Variants in ETV6 observed in about 807,000 individuals in gnomAD.
ETV6 encodes transcription factor ETV6.
ETV6 carries 16 observed loss-of-function variants against 51.1 expected under a neutral mutation model. The ratio of observed to expected loss-of-function variants is 0.31; its 90% confidence interval spans 0.21 to 0.48. The LOEUF is 0.48. Among genes scored for constraint, ETV6 ranks in the 20% least tolerant of loss-of-function variants. The pLI is 0.99. For synonymous variants in ETV6, 240 were observed against 224.1 expected (o/e 1.07, Z -0.64); for missense variants, 458 against 594.8 (o/e 0.77, Z 2.39).
intron 2 of ETV6, among the ~76,000 whole-genome samples, chr12:11,828,573 T>C (rs1272409732): frequency 2.0e-5 from 3 of 152,196 alleles, no homozygotes; most frequent in South Asian, 2.1e-4. Context: ...AAAAAAATAC[T>C]AAACGGATTC....
intron 2 of ETV6, among the ~76,000 whole-genome samples, chr12:11,825,172 A>G (rs141954642): frequency 6.6e-6 from 1 of 152,358 alleles, no homozygotes; most frequent in East Asian, 1.9e-4. Context: ...AACATCAATC[A>G]GAATTAGAAA....
At chr12:11,808,437 C>CA (rs1945862242) in intron 2 of ETV6, among the ~76,000 whole-genome samples, 2 of 134,414 alleles carry the variant, frequency 1.5e-5, no homozygotes, top group African/African-American at 3.0e-5. Context: ...TTCAGAAAAA[C>CA]AAAAAACAAA....
At chr12:11,850,193 C>G (rs2136484352) in intron 3 of ETV6, among the ~76,000 whole-genome samples, 1 of 152,254 alleles carries the variant, frequency 6.6e-6, no homozygotes, top group South Asian at 2.1e-4. Context: ...ACTTGACCCG[C>G]CCCTCCCCCT....
chr12:11,684,030 A>G (rs1414337507), intron 1 of ETV6, among the ~76,000 whole-genome samples: 1 of 152,226 alleles, frequency 6.6e-6, no homozygotes, highest in Non-Finnish European at 1.5e-5. Flanking sequence ...GTATTGCCAC[A>G]TGGATAGAGG....
In ETV6 at chr12:11,823,195, T is replaced by A. The variant is rs527375883; in HGVS notation, c.164-15945T>A. Among the ~76,000 whole-genome samples the A allele has an allele frequency of 3.3e-5, 5 of 152,248 alleles. No individual in the cohort carries two copies. The South Asian group carries it at 1.0e-3, about 32-fold the overall frequency. ...CAGCTGGATCGCTCCTCCTAAGGGC[T>A]TGCATGGGGGAATCTGTGACTATAA... On this transcript the variant is annotated intron_variant, in intron 2 of 7. Transcript: ENST00000396373.
chr12:11,883,273 CTTCTTTTTTTTTT>C (rs1947129671), intron 5 of ETV6, among the ~76,000 whole-genome samples: 3 of 12,562 alleles, frequency 2.4e-4, no homozygotes, highest in African/African-American at 5.6e-4. Context: ...ATCATGTCTT[CTTCTTTTTTTTTT>C]TTTTTTTTTT....
chr12:11,664,625 C>T (rs1864162522), intron 1 of ETV6, among the ~76,000 whole-genome samples: 1 of 152,104 alleles, frequency 6.6e-6, no homozygotes, highest in African/African-American at 2.4e-5. Flanking sequence ...GAACGGTGAC[C>T]CTTGTTTGGT....
At position 11,785,256 on chromosome 12, in the gene ETV6, G is replaced by A. The variant is rs777688608; in HGVS notation, c.163+32677G>A. On this transcript the variant is annotated intron_variant, in intron 2 of 7. Transcript: ENST00000396373. ...GCCTTTGCACTTGCTGACCTCGCTC[G>A]CTGGGATGCTCTTCTACCAAATATA... Among the ~76,000 whole-genome samples, 6 of 152,138 alleles carry A rather than the reference G, an allele frequency of 3.9e-5. No homozygotes were observed. The South Asian group carries it at 8.3e-4, about 21-fold the overall frequency.
chr12:11,669,356 G>GTCCTCCCGTCCTCCTGTCCTCCCT (rs1864260451), intron 1 of ETV6, among the ~76,000 whole-genome samples: 1 of 116,962 alleles, frequency 8.5e-6, no homozygotes, highest in Non-Finnish European at 1.6e-5. Context: ...CCGTCCTCCT[G>GTCCTCCCGTCCTCCTGTCCTCCCT]TCCTCCCTTC....
At chr12:11,750,792 CTTTTTT>C (rs6144613) in intron 1 of ETV6, 190 of 369,618 alleles carry the variant, frequency 5.1e-4, no homozygotes, top group Non-Finnish European at 6.1e-4. Context: ...TATGTGTGGG[CTTTTTT>C]TTTTTTTTTT....
chr12:11,662,803 G>T (rs190344455), intron 1 of ETV6, among the ~76,000 whole-genome samples: 1 of 152,168 alleles, frequency 6.6e-6, no homozygotes, highest in African/African-American at 2.4e-5. Flanking sequence ...AATTTTCTTC[G>T]CAGCCCTGGT....
intron 1 of ETV6, among the ~76,000 whole-genome samples, chr12:11,693,525 C>T (rs1299477514): frequency 6.6e-6 from 1 of 152,152 alleles, no homozygotes; most frequent in African/African-American, 2.4e-5. Context: ...GAGAAGATCC[C>T]GATCACCTCT....
At chr12:11,680,579 A>G (rs997287281) in intron 1 of ETV6, among the ~76,000 whole-genome samples, 4 of 152,340 alleles carry the variant, frequency 2.6e-5, no homozygotes, top group Non-Finnish European at 2.9e-5. Context: ...AACTCTCTCC[A>G]TTAAAGACTC....
intron 1 of ETV6, chr12:11,751,481 A>G (rs1285525578): frequency 1.9e-6 from 1 of 517,266 alleles, no homozygotes; most frequent in Non-Finnish European, 3.9e-6. Flanking sequence ...AAGTCAACCT[A>G]GTTGGCATGT....
chr12:11,740,068 A>G (rs976239604), intron 1 of ETV6, among the ~76,000 whole-genome samples: 1 of 152,244 alleles, frequency 6.6e-6, no homozygotes, highest in Non-Finnish European at 1.5e-5. Context: ...TTTAAAATGC[A>G]TTTTCACCCA....
chr12:11,716,734 C>T (rs1865287433), intron 1 of ETV6: 1 of 152,172 alleles, frequency 6.6e-6, no homozygotes, highest in African/African-American at 2.4e-5. Flanking sequence ...TGTGATTTTT[C>T]TTTCACATGG....
At chr12:11,805,712 T>C (rs2136410536) in intron 2 of ETV6, among the ~76,000 whole-genome samples, 1 of 152,294 alleles carries the variant, frequency 6.6e-6, no homozygotes, top group South Asian at 2.1e-4. Flanking sequence ...TTGAATTTGC[T>C]GTGGAAAAGC....
chr12:11,801,261 AC>A (rs1275442407), intron 2 of ETV6, among the ~76,000 whole-genome samples: 1 of 152,174 alleles, frequency 6.6e-6, no homozygotes, highest in Admixed American at 6.5e-5. Flanking sequence ...AACGAGGCAA[AC>A]TTTTTTAAAG....
intron 1 of ETV6, among the ~76,000 whole-genome samples, chr12:11,718,149 G>C (rs1449300265): frequency 6.6e-6 from 1 of 152,104 alleles, no homozygotes; most frequent in Admixed American, 6.5e-5. Flanking sequence ...GTCCAAAGTG[G>C]GCAATATTTT....
Sources: gnomAD v4.1 joint callset for allele counts (sites outside exome capture counted in the v4.1 genomes callset) on GRCh38, gnomAD v4.1.1 for gene constraint, MANE v1.5 for transcripts, NCBI Gene and HGNC (gene_info 2026-07-23, HGNC 2026-07-21) for gene names.